JPT2: variants seen among roughly 807,000 people sequenced by gnomAD.
JPT2 encodes the protein CRAMP_1 like.
JPT2 carries 9 observed loss-of-function variants against 15.9 expected under a neutral mutation model. The observed-to-expected ratio is 0.57, with a 90% CI of 0.34 to 0.99. JPT2 has a LOEUF of 0.99. Among genes scored for constraint, JPT2 ranks in the 50% least tolerant of loss-of-function variants. The pLI is 0.02. For missense variants in JPT2, 267 were observed against 252.1 expected (o/e 1.06, Z -0.40); for synonymous variants, 95 against 91.7 (o/e 1.04, Z -0.21).
At chr16:1,682,672 CAAA>C (rs531013322) in intron 1 of JPT2, among the ~76,000 whole-genome samples, 2 of 115,372 alleles carry the variant, frequency 1.7e-5, no homozygotes, top group African/African-American at 3.2e-5. Context: ...GATTTCGTCT[CAAA>C]AAAAAAAAAA....
In JPT2 at chr16:1,693,153, G is replaced by A. The variant is rs545393432; in HGVS notation, c.336+1168G>A. Among the ~76,000 whole-genome samples, 5 of 152,306 alleles carry A rather than the reference G, an allele frequency of 3.3e-5. No homozygotes were observed. The South Asian group carries it at 8.3e-4, about 25-fold the overall frequency. ...CTCATTCTGTTGCCCAGGCTGGAGTGCAGTGGCACGATCTCAACTCACTGC... is the reference window on the plus strand; with the variant it reads ...CTCATTCTGTTGCCCAGGCTGGAGTACAGTGGCACGATCTCAACTCACTGC... On this transcript the variant is annotated intron_variant, in intron 3 of 4. Transcript: ENST00000248098.
chr16:1,685,753 G>A, intron 2 of JPT2, 166 bp downstream of exon 2: 1 of 726,864 alleles, frequency 1.4e-6, no homozygotes, highest in Non-Finnish European at 2.1e-6. Context: ...TTTCTCTCTT[G>A]AAGGTGACTT....
Position 1,698,289 on chromosome 16 carries a change from G to T in JPT2, c.385+429G>T, listed in dbSNP as rs773443511. On this transcript the variant is annotated intron_variant, in intron 4 of 4. Coordinates refer to ENST00000248098, the MANE Select transcript of JPT2 (RefSeq NM_144570.3). This position sits in a 1 kb window ranked among gnomAD's most constrained non-coding sequence, Gnocchi z 4.9. The stretch of plus-strand genomic sequence containing the variant: ...CTGCTCAGGTTGAGCGGCAGACTTC[G>T]ACTCTCCCCACGGCTCTTTAGCCTG... Among the ~76,000 whole-genome samples the T allele has an allele frequency of 1.3e-5, 2 of 152,178 alleles. No individual in the cohort carries two copies. Among genetic ancestry groups the T allele is most frequent in the Non-Finnish European group, 2.9e-5 (2 of 68,030 alleles).
Position 1,702,037 on chromosome 16 carries a change from C to A in JPT2, c.*3039C>A. 4.6e-6 allele frequency: 2 copies of A among 433,876 alleles called. No homozygotes were observed. Among genetic ancestry groups the A allele is most frequent in the Non-Finnish European group, 9.3e-6 (2 of 214,632 alleles). The allele number at this position is 433,876 out of a possible 1,614,324, so 26.9% of individuals were successfully genotyped here. ...CTTCAGCCTGGACCACAGAGCAAGA[C>A]CCTGTGTAAAAAAATAAAATAAAAA... On this transcript the variant is annotated 3_prime_UTR_variant, in exon 5 of 5. Coordinates refer to ENST00000248098, the MANE Select transcript of JPT2 (RefSeq NM_144570.3).
chr16:1,679,160 G>A (rs2037000038), intron 1 of JPT2, among the ~76,000 whole-genome samples: 1 of 152,178 alleles, frequency 6.6e-6, no homozygotes, highest in Non-Finnish European at 1.5e-5. Context: ...AAGGTCTTTC[G>A]TGCCACTTGA....
In JPT2 at chr16:1,701,213, C is replaced by T. The variant is rs565103194; in HGVS notation, c.*2215C>T. On this transcript the variant is annotated 3_prime_UTR_variant, in exon 5 of 5. Transcript: ENST00000248098. ...AAAAACCTAGCATCCTGTTCTCACCCTCTAAGCTGCATTGAGAAATGACTC... is the reference window on the plus strand; with the variant it reads ...AAAAACCTAGCATCCTGTTCTCACCTTCTAAGCTGCATTGAGAAATGACTC... The T allele has an allele frequency of 2.0e-5, 3 of 152,792 alleles. No homozygotes were observed. The highest frequency in any genetic ancestry group is 2.1e-4 in the South Asian group (1 of 4,834). The allele number at this position is 152,792 out of a possible 1,614,324, so 9.5% of individuals were successfully genotyped here.
intron 1 of JPT2, among the ~76,000 whole-genome samples, chr16:1,681,794 A>G (rs1414783655): frequency 2.0e-5 from 3 of 152,234 alleles, no homozygotes; most frequent in Non-Finnish European, 4.4e-5. Context: ...CAGAGGAGAC[A>G]GGAGACTGTG....
intron 1 of JPT2, among the ~76,000 whole-genome samples, chr16:1,684,697 G>A (rs1019462397): frequency 1.3e-5 from 2 of 152,016 alleles, no homozygotes; most frequent in South Asian, 2.1e-4. Context: ...CTGAGATTGC[G>A]CCATTGCATT....
intron 1 of JPT2, among the ~76,000 whole-genome samples, chr16:1,681,687 A>G (rs146235111): frequency 6.6e-6 from 1 of 152,324 alleles, no homozygotes; most frequent in East Asian, 1.9e-4. Context: ...CCTCCGGGGT[A>G]AGGACTTGCT....
chr16:1,687,446 A>G (rs1292805145), intron 2 of JPT2, among the ~76,000 whole-genome samples: 2 of 152,228 alleles, frequency 1.3e-5, no homozygotes, highest in African/African-American at 4.8e-5. Context: ...CAAGGATAGC[A>G]GAATAATATA....
intron 1 of JPT2, among the ~76,000 whole-genome samples, chr16:1,684,507 G>C (rs768863103): frequency 6.6e-6 from 1 of 151,974 alleles, no homozygotes; most frequent in Admixed American, 6.6e-5. Context: ...TTGGGAGGCC[G>C]AGGCAGGTGG....
Position 1,697,876 on chromosome 16 carries a change from C to A in JPT2, c.385+16C>A, listed in dbSNP as rs750006779. On this transcript the variant is annotated intron_variant, in intron 4 of 4. Coordinates refer to ENST00000248098, the MANE Select transcript of JPT2 (RefSeq NM_144570.3). ...GATCTTAAAGGTGAGCTTTTGTTTT[C>A]TTTCCCTTCTCCTGAGTGGCCTCAT... is the stretch of plus-strand genomic sequence containing the variant. 6 of 1,611,010 alleles carry A rather than the reference C, an allele frequency of 3.7e-6. No individual in the cohort carries two copies. In the African/African-American group the frequency reaches 5.3e-5, roughly 14 times the overall value.
At chr16:1,692,069 TG>T in intron 3 of JPT2, 84 bp downstream of exon 3, 1 of 1,525,132 alleles carries the variant, frequency 6.6e-7, no homozygotes, top group Non-Finnish European at 9.0e-7. Flanking sequence ...AGATGCGACA[TG>T]TTTTTAGGGA....
At chr16:1,694,972 AT>A in intron 3 of JPT2, among the ~76,000 whole-genome samples, 1 of 152,242 alleles carries the variant, frequency 6.6e-6, no homozygotes, top group South Asian at 2.1e-4. Flanking sequence ...AAAATTAAAA[AT>A]AAATTGGGCC....
In JPT2 at chr16:1,697,872, T is replaced by A. The variant is rs767125074; in HGVS notation, c.385+12T>A. 6.2e-7 allele frequency: 1 copy of A among 1,612,622 alleles called. No individual in the cohort carries two copies. The highest frequency in any genetic ancestry group is 1.1e-5 in the South Asian group (1 of 90,972). ...ATCGGATCTTAAAGGTGAGCTTTTG[T>A]TTTCTTTCCCTTCTCCTGAGTGGCC... On this transcript the variant is annotated intron_variant, in intron 4 of 4. Transcript: ENST00000248098.
rs1411437563 is a variant in JPT2 at position 1,701,546 on chromosome 16, T to G, written c.*2548T>G. The stretch of plus-strand genomic sequence containing the variant: ...TTTAGCCAGAGGATGCCAAAATTAG[T>G]CTTCTCAAAGCTTTGAGTAGAGTAA... On this transcript the variant is annotated 3_prime_UTR_variant, in exon 5 of 5. Coordinates refer to ENST00000248098, the MANE Select transcript of JPT2 (RefSeq NM_144570.3). The G allele has an allele frequency of 6.6e-6, 1 of 152,228 alleles. No homozygotes were observed. The highest frequency in any genetic ancestry group is 1.5e-5 in the Non-Finnish European group (1 of 68,040). The allele number at this position is 152,228 out of a possible 1,614,324, so 9.4% of individuals were successfully genotyped here.
chr16:1,684,457 A>G (rs1365169388), intron 1 of JPT2, among the ~76,000 whole-genome samples: 1 of 152,188 alleles, frequency 6.6e-6, no homozygotes, highest in Middle Eastern at 3.2e-3. Flanking sequence ...AAGTGATTCA[A>G]GAGCCAGGTG....
chr16:1,685,850 C>G (rs2037060943), intron 2 of JPT2: 1 of 294,622 alleles, frequency 3.4e-6, no homozygotes, highest in Admixed American at 4.9e-5. Context: ...GCTTCTGGTT[C>G]CTGCCAGGGA....
At chr16:1,692,210 C>G (rs1224633063) in intron 3 of JPT2, 1 of 600,900 alleles carries the variant, frequency 1.7e-6, no homozygotes, top group East Asian at 3.1e-5. Context: ...CTCTTCTGTG[C>G]TGGTGGCGGA....
Sources: allele counts gnomAD v4.1 joint callset (sites outside exome capture counted in the v4.1 genomes callset), GRCh38; gene constraint gnomAD v4.1.1; non-coding constraint Gnocchi (gnomAD v3.1); transcripts MANE v1.5; gene names NCBI Gene and HGNC (gene_info 2026-07-23, HGNC 2026-07-21).